FNDC1: variants seen among roughly 807,000 people sequenced by gnomAD.
FNDC1 encodes fibronectin type III domain-containing protein 1.
Under a neutral mutation model 168.0 loss-of-function variants are expected in FNDC1, and 96 were observed. The observed-to-expected ratio is 0.57, with a 90% CI of 0.48 to 0.68. The LOEUF (loss-of-function observed/expected upper bound fraction) is 0.68. Among genes scored for constraint, FNDC1 ranks in the 30% least tolerant of loss-of-function variants. FNDC1 has a pLI of 0.00. For missense variants in FNDC1, 2,587 were observed against 2,482.1 expected, an observed-to-expected ratio of 1.04 and a Z score of -0.90; for synonymous variants, 1,099 against 1,025.9, an observed-to-expected ratio of 1.07 and a Z score of -1.36.
At chr6:159,194,259 G>A (rs1049906741) in intron 1 of FNDC1, among the ~76,000 whole-genome samples, 3 of 152,190 alleles carry the variant, frequency 2.0e-5, no homozygotes, top group African/African-American at 7.2e-5. Flanking sequence ...TACCTGTCAT[G>A]CATGGACTGT....
intron 1 of FNDC1, among the ~76,000 whole-genome samples, chr6:159,191,133 A>G (rs1381984113): frequency 1.3e-5 from 2 of 152,232 alleles, no homozygotes; most frequent in Admixed American, 6.5e-5. Flanking sequence ...TTGTGAGGCT[A>G]TCATGGGACA....
At chr6:159,206,112 C>T (rs565312745) in intron 4 of FNDC1, among the ~76,000 whole-genome samples, 11 of 152,298 alleles carry the variant, frequency 7.2e-5, no homozygotes, top group East Asian at 5.8e-4. Context: ...CAAAAGGTGC[C>T]GGCAGAGTAA....
intron 4 of FNDC1, among the ~76,000 whole-genome samples, chr6:159,211,333 T>C (rs114600839): frequency 6.6e-6 from 1 of 152,304 alleles, no homozygotes; most frequent in African/African-American, 2.4e-5. Context: ...AGTGAGCATG[T>C]CCTGCCAGGC....
chr6:159,250,645 C>T (rs1054947504), intron 16 of FNDC1, among the ~76,000 whole-genome samples: 3 of 152,164 alleles, frequency 2.0e-5, no homozygotes, highest in South Asian at 2.1e-4. Context: ...ATGAGGCCAT[C>T]GGTTCATATC....
At chr6:159,269,308 C>CTAT (rs1239682200) in intron 22 of FNDC1, among the ~76,000 whole-genome samples, 2,126 of 78,676 alleles carry the variant, frequency 0.027, 304 homozygotes, top group Middle Eastern at 0.074. Flanking sequence ...ATCCATCTAT[C>CTAT]CTATCTATTT....
intron 1 of FNDC1, among the ~76,000 whole-genome samples, chr6:159,179,811 A>G (rs1434903472): frequency 6.6e-6 from 1 of 152,102 alleles, no homozygotes; most frequent in Non-Finnish European, 1.5e-5. Context: ...AAATGACTGG[A>G]TGTGCTTTCT....
At chr6:159,240,639 C>G (rs919236342) in intron 14 of FNDC1, 5 of 152,190 alleles carry the variant, frequency 3.3e-5, no homozygotes, top group African/African-American at 4.8e-5. Flanking sequence ...ATCCTGCCGC[C>G]CCTGATGTAA....
chr6:159,248,360 C>A (rs140141459), intron 15 of FNDC1, among the ~76,000 whole-genome samples: 1 of 151,418 alleles, frequency 6.6e-6, no homozygotes, highest in African/African-American at 2.4e-5. Flanking sequence ...GGCTGGAGTG[C>A]GGTGGCGTGA....
At chr6:159,236,389 A>G in intron 12 of FNDC1, 74 bp downstream of exon 12, 3 of 969,092 alleles carry the variant, frequency 3.1e-6, no homozygotes, top group Non-Finnish European at 4.9e-6. Flanking sequence ...ACATTGTGTA[A>G]TGATAAATGA....
chr6:159,207,972 A>T (rs552530328), intron 4 of FNDC1, among the ~76,000 whole-genome samples: 1 of 152,350 alleles, frequency 6.6e-6, no homozygotes, highest in Non-Finnish European at 1.5e-5. Context: ...CCAGCCATTA[A>T]GATTGGAAAA....
In FNDC1 at chr6:159,238,540, T is replaced by C; in HGVS notation, c.4069-14T>C. On this transcript the variant is annotated splice_polypyrimidine_tract_variant and intron_variant, in intron 12 of 22. Coordinates refer to ENST00000297267, the MANE Select transcript of FNDC1 (RefSeq NM_032532.3). ...AATGTCCAATATATTCTTTAATCTA[T>C]GTCATGGATTTAGGTTGTGGACCTT... is the stretch of plus-strand genomic sequence containing the variant. 1 of 1,564,562 alleles carries C rather than the reference T, an allele frequency of 6.4e-7. No homozygotes were observed. Among genetic ancestry groups the C allele is most frequent in the Non-Finnish European group, 8.8e-7 (1 of 1,141,080 alleles).
intron 1 of FNDC1, among the ~76,000 whole-genome samples, chr6:159,181,701 G>T (rs1391256194): frequency 6.6e-6 from 1 of 152,184 alleles, no homozygotes; most frequent in Non-Finnish European, 1.5e-5. Flanking sequence ...CTTTGGTGTT[G>T]ACTCAATCTG....
rs1003404090 is a variant in FNDC1, at chr6:159,169,680, C to G, written c.84C>G (p.Pro28=). The part of the protein sequence containing the change: ...AALLLLAALL[P]VASSAAASVD... Reference sequence around the variant, plus strand: ...TGCTGCTCTTGGCCGCGCTGCTCCCCGTCGCCTCCTCGGCGGCGGCCTCAG... The same window carrying G: ...TGCTGCTCTTGGCCGCGCTGCTCCCGGTCGCCTCCTCGGCGGCGGCCTCAG... Residue 28 remains proline, a synonymous_variant, in exon 1 of 23, where the codon CCC becomes CCG. Coordinates refer to ENST00000297267, the MANE Select transcript of FNDC1 (RefSeq NM_032532.3). The surrounding 1 kb of genome is among the most constrained non-coding windows in gnomAD (Gnocchi z 6.8). The G allele has an allele frequency of 7.7e-5, 90 of 1,162,430 alleles. No individual in the cohort carries two copies. Among genetic ancestry groups the G allele is most frequent in the Admixed American group, 2.8e-4 (6 of 21,226 alleles). 72.0% of individuals were successfully genotyped at this position (1,162,430 alleles called of 1,614,324 possible).
chr6:159,176,875 T>G (rs1002954647), intron 1 of FNDC1, among the ~76,000 whole-genome samples: 2 of 152,354 alleles, frequency 1.3e-5, no homozygotes, highest in Admixed American at 6.5e-5. Context: ...TGGGGCCTTC[T>G]TCATGCCAAT....
At chr6:159,248,648 T>C (rs1777189532) in intron 15 of FNDC1, among the ~76,000 whole-genome samples, 1 of 152,254 alleles carries the variant, frequency 6.6e-6, no homozygotes, top group Non-Finnish European at 1.5e-5. Context: ...TTTTTTGATG[T>C]TACCTTTTAT....
chr6:159,269,229 C>T (rs1192016734), intron 22 of FNDC1, among the ~76,000 whole-genome samples: 2 of 141,784 alleles, frequency 1.4e-5, no homozygotes, highest in Non-Finnish European at 3.0e-5. Context: ...ATCTATCTAT[C>T]TATCTATCTA....
chr6:159,257,104 T>G (rs482862), intron 18 of FNDC1, among the ~76,000 whole-genome samples: 25,667 of 152,220 alleles, frequency 0.17, 2,430 homozygotes, highest in East Asian at 0.37. Context: ...CTTCGTAGAC[T>G]AGGCGTGGCT....
chr6:159,228,609 T>C (rs144132840), intron 9 of FNDC1, among the ~76,000 whole-genome samples: 48 of 152,252 alleles, frequency 3.2e-4, no homozygotes, highest in African/African-American at 1.1e-3. Flanking sequence ...AGATCATCCA[T>C]GCTCCTGATA....
In FNDC1 at chr6:159,222,406, C is replaced by T. The variant is rs577920580; in HGVS notation, c.766+710C>T. ...TGAATTGCTGCCATAGGATGAGTCC[C>T]TATATCACTTTTCTAGCAGGCTAAA... On this transcript the variant is annotated intron_variant, in intron 6 of 22. Coordinates refer to ENST00000297267, the MANE Select transcript of FNDC1 (RefSeq NM_032532.3). Among the ~76,000 whole-genome samples, 5 of 152,270 alleles carry T rather than the reference C, an allele frequency of 3.3e-5. No individual in the cohort carries two copies. The East Asian group carries it at 7.7e-4, about 23-fold the overall frequency.
Sources: allele counts gnomAD v4.1 joint callset (sites outside exome capture counted in the v4.1 genomes callset), GRCh38; gene constraint gnomAD v4.1.1; non-coding constraint Gnocchi (gnomAD v3.1); transcripts MANE v1.5; gene names NCBI Gene and HGNC (gene_info 2026-07-23, HGNC 2026-07-21).